MED12L: variants seen among roughly 807,000 people sequenced by gnomAD.
The protein encoded by MED12L is mediator complex subunit 12L, also known as mediator of RNA polymerase II transcription subunit 12-like protein.
Under a neutral mutation model 281.3 loss-of-function variants are expected in MED12L, and 60 were observed. The ratio of observed to expected loss-of-function variants is 0.21; its 90% CI spans 0.17 to 0.26. MED12L has a LOEUF of 0.26. Among genes scored for constraint, MED12L ranks in the 10% least tolerant of loss-of-function variants. The pLI is 1.00. For missense variants in MED12L, 2,146 were observed against 2,680.9 expected (o/e 0.80, Z 4.41); for synonymous variants, 974 against 987.2 (o/e 0.99, Z 0.25).
rs1291631551 is a variant in MED12L, at chr3:151,434,841, CAGAGGTGAGTT to C, written c.*2039_*2049del. 6.6e-6 allele frequency: 1 copy of C among 152,162 alleles called. No individual in the cohort carries two copies. Among genetic ancestry groups the C allele is most frequent in the African/African-American group, 2.4e-5 (1 of 41,430 alleles). The allele number at this position is 152,162 out of a possible 1,614,324, so 9.4% of individuals were successfully genotyped here. On this transcript the variant is annotated 3_prime_UTR_variant, in exon 45 of 45. Transcript: ENST00000687756. ...GCATTTGTATGCACTTTATACTTTG[CAGAGGTGAGTT>C]AAATTATTAATCATTTTGCACATGA...
intron 11 of MED12L, 31 bp downstream of exon 11, chr3:151,166,013 T>A (rs1181249745): frequency 6.4e-7 from 1 of 1,563,004 alleles, no homozygotes; most frequent in East Asian, 2.2e-5. Flanking sequence ...TCTTTTCACC[T>A]TTTATTTTCA....
At chr3:151,413,437 G>T in intron 42 of MED12L, 142 bp downstream of exon 42, 2 of 969,872 alleles carry the variant, frequency 2.1e-6, no homozygotes, top group Non-Finnish European at 3.0e-6. Flanking sequence ...GAGCTACATT[G>T]GTACAATTTA....
At chr3:151,370,073 A>G (rs1755991547) in intron 26 of MED12L, among the ~76,000 whole-genome samples, 1 of 152,204 alleles carries the variant, frequency 6.6e-6, no homozygotes, top group Non-Finnish European at 1.5e-5. Flanking sequence ...TTATTGATAA[A>G]TCAATATTAA....
intron 16 of MED12L, among the ~76,000 whole-genome samples, chr3:151,242,033 G>A (rs1324753973): frequency 9.9e-5 from 15 of 152,272 alleles, no homozygotes; most frequent in African/African-American, 3.1e-4. Flanking sequence ...GGAAAATCGG[G>A]TCACTCCCAC....
intron 16 of MED12L, among the ~76,000 whole-genome samples, chr3:151,238,675 C>T (rs549421506): frequency 1.5e-5 from 2 of 136,914 alleles, no homozygotes; most frequent in Non-Finnish European, 3.3e-5. Flanking sequence ...TTATACCTTA[C>T]TGACATACAA....
Position 151,126,615 on chromosome 3 carries a change from G to A in MED12L, c.397-1210G>A, listed in dbSNP as rs536901671. ...GCCATGCTATATCAATCAGTTAGCT[G>A]GTTTGAAGCCTTGATTTTCACAAAA... On this transcript the variant is annotated intron_variant, in intron 4 of 44. Transcript: ENST00000687756. Among the ~76,000 whole-genome samples the A allele has an allele frequency of 5.3e-4, 81 of 152,244 alleles. 1 individual carries two copies. Among genetic ancestry groups the A allele is most frequent in the African/African-American group, 1.9e-3 (77 of 41,526 alleles).
At chr3:151,275,762 G>A (rs886246201) in intron 16 of MED12L, among the ~76,000 whole-genome samples, 2 of 152,144 alleles carry the variant, frequency 1.3e-5, no homozygotes, top group Admixed American at 6.5e-5. Context: ...ATGCTACTTA[G>A]GAAGCTGAGA....
chr3:151,155,725 G>A (rs1719183613), intron 5 of MED12L, among the ~76,000 whole-genome samples: 1 of 152,168 alleles, frequency 6.6e-6, no homozygotes, highest in Non-Finnish European at 1.5e-5. Context: ...GCTGCTTTTG[G>A]GGGATTTTGA....
chr3:151,289,395 G>A (rs1743959609), intron 16 of MED12L, among the ~76,000 whole-genome samples: 1 of 152,196 alleles, frequency 6.6e-6, no homozygotes, highest in Admixed American at 6.5e-5. Context: ...TACTCACTCT[G>A]TATTATAAGT....
At chr3:151,294,450 GA>G in intron 16 of MED12L, 1 of 1,614,212 alleles carries the variant, frequency 6.2e-7, no homozygotes, top group Non-Finnish European at 8.5e-7. Flanking sequence ...TGATATGGTA[GA>G]AAGCAGGTAA....
intron 38 of MED12L, among the ~76,000 whole-genome samples, chr3:151,394,430 C>T (rs1043939991): frequency 6.6e-6 from 1 of 152,218 alleles, no homozygotes; most frequent in African/African-American, 2.4e-5. Context: ...CTGAAGACCT[C>T]CATGAAATTA....
intron 16 of MED12L, chr3:151,214,420 A>G: frequency 2.1e-6 from 2 of 970,720 alleles, no homozygotes; most frequent in East Asian, 2.4e-5. Flanking sequence ...GCAAAGGGCA[A>G]TGAATATAGT....
At chr3:151,337,197 T>A (rs1283648271) in intron 16 of MED12L, 1 of 152,158 alleles carries the variant, frequency 6.6e-6, no homozygotes, top group African/African-American at 2.4e-5. Context: ...ATTGTAAAGG[T>A]CTTCTTTAAA....
At position 151,430,392 on chromosome 3, in the gene MED12L, T is replaced by C. The variant is rs1409668637; in HGVS notation, c.6490+12T>C. The C allele has an allele frequency of 1.9e-6, 3 of 1,613,676 alleles. No individual in the cohort carries two copies. Among genetic ancestry groups the C allele is most frequent in the African/African-American group, 1.3e-5 (1 of 74,864 alleles). ...GAAGCAGCTTTCCAGTAAGTACCCC[T>C]GTGTGTCATGGAACAGACAGCTCCC... On this transcript the variant is annotated intron_variant, in intron 44 of 44. Transcript: ENST00000687756.
chr3:151,200,627 C>CAG (rs1303524700), intron 16 of MED12L, among the ~76,000 whole-genome samples: 3 of 152,162 alleles, frequency 2.0e-5, no homozygotes, highest in African/African-American at 7.2e-5. Context: ...TGTATGCAAA[C>CAG]AGATGAATAA....
At chr3:151,131,018 T>C (rs2148817084) in intron 5 of MED12L, among the ~76,000 whole-genome samples, 2 of 152,248 alleles carry the variant, frequency 1.3e-5, no homozygotes, top group Middle Eastern at 6.8e-3. Context: ...GCCTGAAACA[T>C]TTATGTTTGT....
chr3:151,126,043 A>T (rs1416822318), intron 4 of MED12L, among the ~76,000 whole-genome samples: 1 of 142,018 alleles, frequency 7.0e-6, no homozygotes, highest in African/African-American at 2.8e-5. Context: ...GATATACTGC[A>T]TCCTCTTTTT....
intron 11 of MED12L, among the ~76,000 whole-genome samples, chr3:151,181,226 C>T (rs900931635): frequency 3.3e-5 from 5 of 151,338 alleles, no homozygotes; most frequent in East Asian, 1.9e-4. Context: ...AATATATGTT[C>T]GTTTAAAATT....
chr3:151,253,301 C>G (rs185861604), intron 16 of MED12L, among the ~76,000 whole-genome samples: 97 of 152,258 alleles, frequency 6.4e-4, no homozygotes, highest in Middle Eastern at 3.4e-3. Flanking sequence ...TTGCACTGTG[C>G]CGGAAACCAT....
Sources: allele counts gnomAD v4.1 joint callset (sites outside exome capture counted in the v4.1 genomes callset), GRCh38; gene constraint gnomAD v4.1.1; transcripts MANE v1.5; gene names NCBI Gene and HGNC (gene_info 2026-07-23, HGNC 2026-07-21).